STARD13: variants seen among roughly 807,000 people sequenced by gnomAD.
The protein encoded by STARD13 is stAR-related lipid transfer protein 13.
STARD13 carries 62 observed loss-of-function variants against 106.4 expected under a neutral mutation model. The observed-to-expected ratio is 0.58, with a 90% CI of 0.48 to 0.72. STARD13 has a LOEUF of 0.72. Ranked by LOEUF, STARD13 falls within the 30% of genes least tolerant of loss-of-function variation. The pLI is 0.00. For synonymous variants in STARD13, 565 were observed against 553.0 expected (o/e 1.02, Z -0.31); for missense variants, 1,387 against 1,424.0 (o/e 0.97, Z 0.42).
intron 1 of STARD13, chr13:33,334,938 G>A (rs1447962254): frequency 6.7e-6 from 1 of 149,150 alleles, no homozygotes; most frequent in African/African-American, 2.5e-5. Context: ...AAGCTTTTCT[G>A]GTAATTCCGA....
At chr13:33,192,237 CAG>C (rs1341683181) in intron 1 of STARD13, among the ~76,000 whole-genome samples, 3 of 152,222 alleles carry the variant, frequency 2.0e-5, no homozygotes, top group African/African-American at 7.2e-5. Flanking sequence ...ACTTACTAAA[CAG>C]GGAATATGCT....
intron 1 of STARD13, chr13:33,280,228 T>A (rs1891704382): frequency 6.6e-6 from 1 of 152,196 alleles, no homozygotes; most frequent in African/African-American, 2.4e-5. Flanking sequence ...TTGGGCAAAT[T>A]CCCAAGATGC....
intron 12 of STARD13, 50 bp from the exon 13 acceptor site, chr13:33,106,984 G>T: frequency 6.5e-7 from 1 of 1,548,814 alleles, no homozygotes; most frequent in Non-Finnish European, 8.8e-7. Context: ...GGAGGAAGAA[G>T]AACCTGAACA....
chr13:33,651,887 C>A, the STARD13 span, among the ~76,000 whole-genome samples: 1 of 152,202 alleles, frequency 6.6e-6, no homozygotes, highest in African/African-American at 2.4e-5. Flanking sequence ...CCTCTCTCCC[C>A]ACCAAGGCAT....
At chr13:33,387,197 A>C in the STARD13 span, among the ~76,000 whole-genome samples, 1 of 151,978 alleles carries the variant, frequency 6.6e-6, no homozygotes, top group Non-Finnish European at 1.5e-5. Flanking sequence ...TAGAGATTGG[A>C]TTGTGCTATA....
At chr13:33,185,790 C>T in intron 1 of STARD13, 2 of 1,313,476 alleles carry the variant, frequency 1.5e-6, no homozygotes, top group Non-Finnish European at 2.2e-6. Flanking sequence ...ACCACCTGAC[C>T]ACTGCCACTG....
chr13:33,271,738 G>A (rs1277908038), intron 1 of STARD13, among the ~76,000 whole-genome samples: 1 of 151,950 alleles, frequency 6.6e-6, no homozygotes, highest in Non-Finnish European at 1.5e-5. Context: ...GCTGCTGGTG[G>A]CACAATGAGG....
At chr13:33,347,529 GAGC>G (rs2078030398), downstream of STARD13, among the ~76,000 whole-genome samples, 1 of 152,190 alleles carries the variant, frequency 6.6e-6, no homozygotes. Flanking sequence ...TTACAGGCAT[GAGC>G]CACCACGCCT....
the STARD13 span, among the ~76,000 whole-genome samples, chr13:33,626,171 A>G: frequency 6.6e-6 from 1 of 152,204 alleles, no homozygotes; most frequent in Non-Finnish European, 1.5e-5. Flanking sequence ...ACACACACAG[A>G]GTAGCTATTT....
chr13:33,587,556 A>G, the STARD13 span, among the ~76,000 whole-genome samples: 1 of 152,142 alleles, frequency 6.6e-6, no homozygotes, highest in African/African-American at 2.4e-5. Context: ...CTAACTCCAG[A>G]TGGTCATTCA....
At chr13:33,122,720 C>T (rs897784768) in intron 7 of STARD13, among the ~76,000 whole-genome samples, 4 of 152,072 alleles carry the variant, frequency 2.6e-5, no homozygotes, top group African/African-American at 9.7e-5. Flanking sequence ...GTTTTCCTGT[C>T]TTCTTTCTGT....
At chr13:33,444,898 G>T in the STARD13 span, among the ~76,000 whole-genome samples, 1 of 152,198 alleles carries the variant, frequency 6.6e-6, no homozygotes, top group African/African-American at 2.4e-5. Context: ...TGTTCATGCA[G>T]ACAGTCTAAA....
chr13:33,359,556 T>G, the STARD13 span: 1 of 159,512 alleles, frequency 6.3e-6, no homozygotes, highest in African/African-American at 2.4e-5. Context: ...TCCCAGCTAC[T>G]CGGGAGGCTG....
intron 7 of STARD13, among the ~76,000 whole-genome samples, chr13:33,125,405 T>C (rs1272284555): frequency 6.6e-6 from 1 of 152,122 alleles, no homozygotes; most frequent in Non-Finnish European, 1.5e-5. Flanking sequence ...AAAGCCTTTG[T>C]TTTGTAAAGT....
intron 1 of STARD13, among the ~76,000 whole-genome samples, chr13:33,199,495 C>A (rs951169797): frequency 6.6e-6 from 1 of 151,964 alleles, no homozygotes; most frequent in African/African-American, 2.4e-5. Context: ...TCAGCAAAAC[C>A]GAAAAGAAAC....
At chr13:33,624,598 C>A in the STARD13 span, among the ~76,000 whole-genome samples, 1 of 152,218 alleles carries the variant, frequency 6.6e-6, no homozygotes, top group East Asian at 1.9e-4. Flanking sequence ...CAGACTCAAC[C>A]AACATTTATG....
At chr13:33,264,603 C>T (rs571538394) in intron 1 of STARD13, among the ~76,000 whole-genome samples, 1 of 152,092 alleles carries the variant, frequency 6.6e-6, no homozygotes, top group Non-Finnish European at 1.5e-5. Context: ...GCTTGATCAG[C>T]AGGAAAGAGA....
At chr13:33,576,050 TACA>T in the STARD13 span, among the ~76,000 whole-genome samples, 1 of 152,218 alleles carries the variant, frequency 6.6e-6, no homozygotes, top group Non-Finnish European at 1.5e-5. Flanking sequence ...TTGATTTTAC[TACA>T]ACAACTAGCT....
chr13:33,484,013 C>T, the STARD13 span, among the ~76,000 whole-genome samples: 233 of 152,254 alleles, frequency 1.5e-3, no homozygotes, highest in Admixed American at 5.1e-3. Flanking sequence ...AATTCCAATA[C>T]GGTGGGTTCA....
Sources: allele counts gnomAD v4.1 joint callset (sites outside exome capture counted in the v4.1 genomes callset), GRCh38; gene constraint gnomAD v4.1.1; transcripts MANE v1.5; gene names NCBI Gene and HGNC (gene_info 2026-07-23, HGNC 2026-07-21).